LOC128462377: variants seen among roughly 807,000 people sequenced by gnomAD.
chr16:89,384,886 T>C, the LOC128462377 span, among the ~76,000 whole-genome samples: 2 of 113,988 alleles, frequency 1.8e-5, no homozygotes, highest in Non-Finnish European at 3.6e-5. Context: ...TTTCTTTTTT[T>C]TTTTTTTTTT....
At chr16:89,341,244 C>G in the LOC128462377 span, among the ~76,000 whole-genome samples, 1 of 152,184 alleles carries the variant, frequency 6.6e-6, no homozygotes, top group Admixed American at 6.5e-5. Flanking sequence ...GGCAAGCAGA[C>G]CCGGTTTGGA....
the LOC128462377 span, among the ~76,000 whole-genome samples, chr16:89,342,775 C>G: frequency 1.3e-5 from 2 of 152,204 alleles, no homozygotes; most frequent in African/African-American, 4.8e-5. Context: ...AGGAAACACA[C>G]AATTGCATGT....
At chr16:89,321,813 C>T in the LOC128462377 span, among the ~76,000 whole-genome samples, 2 of 152,178 alleles carry the variant, frequency 1.3e-5, no homozygotes, top group African/African-American at 4.8e-5. Context: ...CGTGGGTTCA[C>T]TTACACGCAG....
chr16:89,396,003 G>C, the LOC128462377 span: 2 of 152,228 alleles, frequency 1.3e-5, no homozygotes, highest in African/African-American at 4.8e-5. Context: ...TTCAGTCAAA[G>C]AATGACCGAC....
At chr16:89,351,643 C>T in the LOC128462377 span, among the ~76,000 whole-genome samples, 14 of 152,196 alleles carry the variant, frequency 9.2e-5, no homozygotes, top group Non-Finnish European at 1.9e-4. Context: ...GACATAGGCC[C>T]TGTGACCTGG....
At chr16:89,364,150 C>T in the LOC128462377 span, among the ~76,000 whole-genome samples, 1 of 152,170 alleles carries the variant, frequency 6.6e-6, no homozygotes, top group African/African-American at 2.4e-5. Flanking sequence ...AGCCCTGGAG[C>T]CTGGGTGTAC....
the LOC128462377 span, among the ~76,000 whole-genome samples, chr16:89,350,703 T>G: frequency 6.6e-6 from 1 of 152,212 alleles, no homozygotes; most frequent in Non-Finnish European, 1.5e-5. Context: ...AATACTACTC[T>G]GTATCATGAC....
the LOC128462377 span, among the ~76,000 whole-genome samples, chr16:89,331,523 T>C: frequency 6.6e-6 from 1 of 152,326 alleles, no homozygotes; most frequent in Admixed American, 6.5e-5. Flanking sequence ...AAAGAACTGC[T>C]GAAGAAAATG....
chr16:89,335,576 C>T, the LOC128462377 span, among the ~76,000 whole-genome samples: 121 of 152,346 alleles, frequency 7.9e-4, no homozygotes, highest in African/African-American at 2.7e-3. Flanking sequence ...AGCAGAACAG[C>T]GAGTGACGTC....
chr16:89,399,715 G>A, the LOC128462377 span, among the ~76,000 whole-genome samples: 2 of 152,226 alleles, frequency 1.3e-5, no homozygotes, highest in South Asian at 2.1e-4. Flanking sequence ...GGCCGCTCTT[G>A]TGGGGATGCT....
the LOC128462377 span, among the ~76,000 whole-genome samples, chr16:89,356,572 C>T: frequency 6.6e-6 from 1 of 150,606 alleles, no homozygotes; most frequent in Middle Eastern, 3.4e-3. Flanking sequence ...GAGATCGAGA[C>T]CATCCTGGCT....
chr16:89,374,702 C>G, the LOC128462377 span, among the ~76,000 whole-genome samples: 2 of 152,200 alleles, frequency 1.3e-5, no homozygotes, highest in South Asian at 2.1e-4. Flanking sequence ...CACTTCAACT[C>G]TGCTCAGGTA....
the LOC128462377 span, among the ~76,000 whole-genome samples, chr16:89,321,793 G>T: frequency 6.6e-6 from 1 of 152,156 alleles, no homozygotes; most frequent in Admixed American, 6.6e-5. Flanking sequence ...CTGGGTCTGG[G>T]TTTGCACTGC....
the LOC128462377 span, among the ~76,000 whole-genome samples, chr16:89,384,430 C>T: frequency 3.9e-5 from 6 of 151,918 alleles, no homozygotes; most frequent in African/African-American, 1.2e-4. Context: ...ATGTGGGGGG[C>T]TGAGGCAGAG....
the LOC128462377 span, among the ~76,000 whole-genome samples, chr16:89,335,077 A>G: frequency 6.6e-6 from 1 of 152,236 alleles, no homozygotes; most frequent in Middle Eastern, 3.4e-3. Flanking sequence ...AACAATAAAA[A>G]ACGACTAACA....
At chr16:89,372,484 C>T in the LOC128462377 span, among the ~76,000 whole-genome samples, 1 of 152,076 alleles carries the variant, frequency 6.6e-6, no homozygotes, top group South Asian at 2.1e-4. Context: ...GTGAGAAGAG[C>T]GAAGGCCAAG....
chr16:89,360,201 T>A, the LOC128462377 span, among the ~76,000 whole-genome samples: 3 of 152,238 alleles, frequency 2.0e-5, no homozygotes, highest in Admixed American at 1.3e-4. Flanking sequence ...GCTAATAGCC[T>A]CCAGCTCCAT....
the LOC128462377 span, among the ~76,000 whole-genome samples, chr16:89,398,729 G>A: frequency 6.6e-6 from 1 of 151,986 alleles, no homozygotes; most frequent in Non-Finnish European, 1.5e-5. Flanking sequence ...CAGTGACAGA[G>A]AGAGATTGTG....
the LOC128462377 span, among the ~76,000 whole-genome samples, chr16:89,368,367 T>TTG: frequency 1.2e-4 from 16 of 130,128 alleles, 1 homozygote; most frequent in South Asian, 7.3e-4. Flanking sequence ...TGGCTAATTT[T>TTG]TGTGTTTTTT....
Sources: gnomAD v4.1 joint callset for allele counts (sites outside exome capture counted in the v4.1 genomes callset) on GRCh38, gnomAD v4.1.1 for gene constraint, MANE v1.5 for transcripts.